Variants in PRKD1 observed in about 807,000 individuals in gnomAD.
PRKD1 encodes the protein serine/threonine-protein kinase D1.
PRKD1 carries 63 observed loss-of-function variants against 95.9 expected under a neutral mutation model. The ratio of observed to expected loss-of-function variants is 0.66; its 90% CI spans 0.54 to 0.81. The LOEUF is 0.81. Ranked by LOEUF, PRKD1 falls within the 30% of genes least tolerant of loss-of-function variation. The pLI is 0.00. For missense variants in PRKD1, 1,048 were observed against 1,165.3 expected, an observed-to-expected ratio of 0.90 and a Z score of 1.47; for synonymous variants, 425 against 423.1, an observed-to-expected ratio of 1.00 and a Z score of -0.05.
chr14:29,705,946 A>G (rs140729368), intron 2 of PRKD1, among the ~76,000 whole-genome samples: 3 of 152,216 alleles, frequency 2.0e-5, no homozygotes, highest in African/African-American at 7.2e-5. Flanking sequence ...AAACTTTTGT[A>G]TGAACATATG....
chr14:29,700,509 T>C (rs988416438), intron 2 of PRKD1, among the ~76,000 whole-genome samples: 1 of 152,218 alleles, frequency 6.6e-6, no homozygotes, highest in Non-Finnish European at 1.5e-5. Context: ...TTTTTCTGTA[T>C]TTCATGTAAA....
chr14:29,599,248 T>C, intron 14 of PRKD1, 123 bp from the exon 15 acceptor site: 1 of 761,700 alleles, frequency 1.3e-6, no homozygotes, highest in Non-Finnish European at 2.1e-6. Flanking sequence ...TTAAAGACAC[T>C]GAAATGAGCT....
chr14:29,832,470 A>G (rs12100736), intron 1 of PRKD1, among the ~76,000 whole-genome samples: 2,712 of 152,142 alleles, frequency 0.018, 74 homozygotes, highest in African/African-American at 0.062. Flanking sequence ...TCAGACAAAA[A>G]TTGGCCTTTA....
intron 1 of PRKD1, among the ~76,000 whole-genome samples, chr14:29,911,140 T>A (rs1383988464): frequency 6.9e-6 from 1 of 145,234 alleles, no homozygotes; most frequent in African/African-American, 2.9e-5. Flanking sequence ...AATACTTATG[T>A]TTAATTTATT....
At chr14:29,778,454 T>C (rs1212486537) in intron 1 of PRKD1, among the ~76,000 whole-genome samples, 1 of 151,718 alleles carries the variant, frequency 6.6e-6, no homozygotes, top group Non-Finnish European at 1.5e-5. Context: ...GATAACAGGG[T>C]TATCACCACT....
chr14:29,808,516 C>G (rs1890342584), intron 1 of PRKD1, among the ~76,000 whole-genome samples: 1 of 148,970 alleles, frequency 6.7e-6, no homozygotes, highest in Admixed American at 6.8e-5. Context: ...TCTCCTGCAT[C>G]AGCTTCCCAA....
intron 1 of PRKD1, among the ~76,000 whole-genome samples, chr14:29,818,616 G>GGA (rs1555347622): frequency 7.7e-6 from 1 of 129,996 alleles, no homozygotes; most frequent in East Asian, 2.2e-4. Flanking sequence ...TACTTCATTT[G>GGA]AAAAAAAAAA....
intron 1 of PRKD1, among the ~76,000 whole-genome samples, chr14:29,820,827 G>A (rs1228959739): frequency 6.6e-6 from 1 of 152,206 alleles, no homozygotes; most frequent in Admixed American, 6.5e-5. Context: ...AATTGCCATA[G>A]TCTTCAAATG....
intron 1 of PRKD1, among the ~76,000 whole-genome samples, chr14:29,877,915 G>A (rs974599453): frequency 2.0e-4 from 30 of 151,990 alleles, no homozygotes; most frequent in African/African-American, 6.8e-4. Context: ...TTCATAAATG[G>A]CCGATTGGAT....
chr14:29,787,250 A>T (rs1348396527), intron 1 of PRKD1, among the ~76,000 whole-genome samples: 1 of 124,612 alleles, frequency 8.0e-6, no homozygotes, highest in Non-Finnish European at 1.6e-5. Context: ...GGCCTAATAT[A>T]TGGTCTTTCC....
intron 1 of PRKD1, among the ~76,000 whole-genome samples, chr14:29,731,149 ATT>A (rs1886414961): frequency 6.6e-6 from 1 of 152,106 alleles, no homozygotes; most frequent in Non-Finnish European, 1.5e-5. Context: ...AAAACCATTA[ATT>A]AATTTTAAAT....
At chr14:29,761,519 C>T (rs147798886) in intron 1 of PRKD1, among the ~76,000 whole-genome samples, 1 of 152,276 alleles carries the variant, frequency 6.6e-6, no homozygotes, top group African/African-American at 2.4e-5. Flanking sequence ...ATAGATGAGA[C>T]TTCCACCTCT....
intron 1 of PRKD1, among the ~76,000 whole-genome samples, chr14:29,737,081 G>A (rs1474652832): frequency 1.3e-5 from 2 of 151,864 alleles, no homozygotes; most frequent in Non-Finnish European, 2.9e-5. Flanking sequence ...CCAGCACTTT[G>A]GGAGGCCGAG....
intron 16 of PRKD1, among the ~76,000 whole-genome samples, chr14:29,580,685 T>C (rs866544218): frequency 7.2e-5 from 11 of 152,152 alleles, no homozygotes; most frequent in East Asian, 1.9e-4. Context: ...CAGCATTAAC[T>C]ATACCATCCA....
At chr14:29,764,445 A>G (rs929772764) in intron 1 of PRKD1, among the ~76,000 whole-genome samples, 2 of 152,214 alleles carry the variant, frequency 1.3e-5, no homozygotes, top group East Asian at 1.9e-4. Flanking sequence ...TTCTGCTGCT[A>G]TAATACAATA....
At chr14:29,824,805 A>C (rs915504144) in intron 1 of PRKD1, among the ~76,000 whole-genome samples, 25 of 152,122 alleles carry the variant, frequency 1.6e-4, no homozygotes, top group Admixed American at 1.6e-3. Flanking sequence ...ATCTCTAGGT[A>C]TATCCTTGAG....
intron 1 of PRKD1, among the ~76,000 whole-genome samples, chr14:29,769,657 A>C (rs1302774409): frequency 6.6e-6 from 1 of 152,200 alleles, no homozygotes; most frequent in Non-Finnish European, 1.5e-5. Context: ...GCAGTTAACT[A>C]TTTTGACACC....
Position 29,638,868 on chromosome 14 carries a change from T to C in PRKD1, c.733A>G (p.Lys245Glu), listed in dbSNP as rs371729236. 4.6e-6 allele frequency: 7 copies of C among 1,526,906 alleles called. No homozygotes were observed. Among genetic ancestry groups the C allele is most frequent in the Non-Finnish European group, 6.3e-6 (7 of 1,117,134 alleles). The allele number at this position is 1,526,906 out of a possible 1,614,324, so 94.6% of individuals were successfully genotyped here. Residue 245 changes from lysine to glutamate, a missense_variant, in exon 5 of 18, where the codon AAG (lysine) becomes GAG (glutamate). Lys to Glu is a moderately conservative substitution (Grantham distance 56, BLOSUM62 1). Transcript: ENST00000331968. ...ATGTATGATTGAGAATTTGACCTCTTCTCTCGACCAATAAACGACTCTGAT... is the reference window on the plus strand; with the variant it reads ...ATGTATGATTGAGAATTTGACCTCTCCTCTCGACCAATAAACGACTCTGAT... ...SPSESFIGRE[K>E]RSNSQSYIGR...
Position 29,927,656 on chromosome 14 carries a change from T to A in PRKD1, c.-144A>T. The stretch of plus-strand genomic sequence containing the variant: ...AAACTTTCCGGAAAAGTCCCTGGGC[T>A]GGGGGAGGGCAAGGGGATGAGGATC... On this transcript the variant is annotated 5_prime_UTR_variant, in exon 1 of 18. Coordinates refer to ENST00000331968, the MANE Select transcript of PRKD1 (RefSeq NM_002742.3). 3.0e-6 allele frequency: 1 copy of A among 329,904 alleles called. No individual in the cohort carries two copies. Among genetic ancestry groups the A allele is most frequent in the Non-Finnish European group, 3.8e-6 (1 of 264,642 alleles). 20.4% of individuals were successfully genotyped at this position (329,904 alleles called of 1,614,324 possible).
Sources: allele counts gnomAD v4.1 joint callset (sites outside exome capture counted in the v4.1 genomes callset), GRCh38; gene constraint gnomAD v4.1.1; transcripts MANE v1.5; gene names NCBI Gene and HGNC (gene_info 2026-07-23, HGNC 2026-07-21).